Variants in NTM observed in about 807,000 individuals in gnomAD.
The protein encoded by NTM is neurotrimin, also known as IgLON family member 2.
Under a neutral mutation model 42.1 loss-of-function variants are expected in NTM, and 13 were observed. The ratio of observed to expected loss-of-function variants is 0.31; its 90% CI spans 0.20 to 0.49. NTM has a LOEUF of 0.49. NTM is among the 20% of genes least tolerant of loss of function. The pLI, the probability that NTM is intolerant of heterozygous loss-of-function variation, is 0.99. For synonymous variants in NTM, 187 were observed against 179.2 expected (o/e 1.04, Z -0.35); for missense variants, 373 against 452.8 (o/e 0.82, Z 1.60).
chr11:132,292,787 T>TAAAGAAAAAAA (rs2094491121), intron 4 of NTM, among the ~76,000 whole-genome samples: 1 of 56,574 alleles, frequency 1.8e-5, no homozygotes, highest in Non-Finnish European at 3.0e-5. Flanking sequence ...GATGTAAAAG[T>TAAAGAAAAAAA]AAAAAAAAAA....
chr11:131,412,842 A>AAC (rs1946565635), intron 1 of NTM, among the ~76,000 whole-genome samples: 1 of 152,100 alleles, frequency 6.6e-6, no homozygotes, highest in Admixed American at 6.5e-5. Flanking sequence ...CATCACTAAT[A>AAC]ACAAGAAAGG....
intron 2 of NTM, among the ~76,000 whole-genome samples, chr11:132,084,364 C>T (rs2059443488): frequency 6.6e-6 from 1 of 152,114 alleles, no homozygotes; most frequent in African/African-American, 2.4e-5. Flanking sequence ...TTAGAAATCT[C>T]ATACAATTTT....
intron 1 of NTM, among the ~76,000 whole-genome samples, chr11:131,500,378 C>A (rs375568): frequency 2.0e-5 from 3 of 151,388 alleles, no homozygotes; most frequent in African/African-American, 7.3e-5. Flanking sequence ...TCTCAATGAA[C>A]CCTGTTCCCT....
In NTM at chr11:132,046,825, ACTAT is replaced by A. The variant is rs1009927450; in HGVS notation, c.168-99449_168-99446del. ...ATCTATCTGTCTGTCTATCTATCTA[ACTAT>A]CTATCTACTGTTTATCTATCTACCA... On this transcript the variant is annotated intron_variant, in intron 2 of 8. Coordinates refer to ENST00000683400, the MANE Select transcript of NTM (RefSeq NM_001352005.2). Among the ~76,000 whole-genome samples, 189 of 152,224 alleles carry A rather than the reference ACTAT, an allele frequency of 1.2e-3. 1 individual carries two copies. The highest frequency in any genetic ancestry group is 2.1e-3 in the South Asian group (10 of 4,820).
intron 1 of NTM, among the ~76,000 whole-genome samples, chr11:131,656,291 T>C (rs1320469427): frequency 3.6e-4 from 55 of 152,204 alleles, no homozygotes; most frequent in Non-Finnish European, 7.3e-5. Flanking sequence ...AGAAAAGATT[T>C]TAAATCCACC....
At chr11:131,498,752 G>T (rs1313878453) in intron 1 of NTM, among the ~76,000 whole-genome samples, 1 of 152,208 alleles carries the variant, frequency 6.6e-6, no homozygotes, top group South Asian at 2.1e-4. Flanking sequence ...GGGCTGGGGG[G>T]AAGCCAGGCC....
chr11:131,701,756 T>A (rs2135180702), intron 1 of NTM, among the ~76,000 whole-genome samples: 1 of 152,202 alleles, frequency 6.6e-6, no homozygotes, highest in Non-Finnish European at 1.5e-5. Flanking sequence ...CATGAGGGCC[T>A]AGACAAATGC....
intron 1 of NTM, among the ~76,000 whole-genome samples, chr11:131,680,571 A>G (rs2072396871): frequency 7.0e-6 from 1 of 143,830 alleles, no homozygotes; most frequent in African/African-American, 2.7e-5. Context: ...CTGTGTAGGC[A>G]TGTGTGCCTC....
At chr11:131,796,443 G>A (rs1324955187) in intron 1 of NTM, among the ~76,000 whole-genome samples, 2 of 152,182 alleles carry the variant, frequency 1.3e-5, no homozygotes, top group Admixed American at 6.5e-5. Context: ...ACTTCCCCTG[G>A]AACTAGTGGC....
chr11:131,672,848 G>A (rs1311264654), intron 1 of NTM, among the ~76,000 whole-genome samples: 35 of 123,468 alleles, frequency 2.8e-4, no homozygotes, highest in South Asian at 5.9e-4. Flanking sequence ...GTGCCGGGGT[G>A]GGGGTGGGGT....
intron 1 of NTM, among the ~76,000 whole-genome samples, chr11:131,492,937 G>T (rs1954949828): frequency 6.6e-6 from 1 of 152,154 alleles, no homozygotes; most frequent in African/African-American, 2.4e-5. Flanking sequence ...GCAACTTAGG[G>T]CCAGGTGTGG....
intron 3 of NTM, among the ~76,000 whole-genome samples, chr11:132,194,300 A>G (rs1243421070): frequency 6.6e-6 from 1 of 152,204 alleles, no homozygotes; most frequent in African/African-American, 2.4e-5. Context: ...CTGGGATGCA[A>G]GGGTGGTTCA....
intron 2 of NTM, among the ~76,000 whole-genome samples, chr11:132,120,123 AT>A (rs10706865): frequency 0.71 from 105,946 of 149,736 alleles, 38,091 homozygotes; most frequent in African/African-American, 0.81. Context: ...TCGGCTGATG[AT>A]TTTTTTTTTT....
intron 1 of NTM, among the ~76,000 whole-genome samples, chr11:131,463,182 C>T (rs1013890401): frequency 1.1e-4 from 17 of 152,218 alleles, no homozygotes; most frequent in African/African-American, 3.9e-4. Flanking sequence ...TATTGCCCTC[C>T]TGTCCCATGG....
chr11:132,040,238 G>A (rs2077013494), intron 2 of NTM, among the ~76,000 whole-genome samples: 2 of 152,188 alleles, frequency 1.3e-5, no homozygotes, highest in Non-Finnish European at 2.9e-5. Flanking sequence ...TAGGATTACA[G>A]ACGTGAGCCA....
chr11:132,119,938 G>T (rs1336120295), intron 2 of NTM, among the ~76,000 whole-genome samples: 1 of 152,184 alleles, frequency 6.6e-6, no homozygotes, highest in East Asian at 1.9e-4. Flanking sequence ...TTTATAACAC[G>T]CTATATAAAG....
intron 2 of NTM, among the ~76,000 whole-genome samples, chr11:131,951,219 G>C (rs1409323948): frequency 6.6e-6 from 1 of 152,170 alleles, no homozygotes; most frequent in South Asian, 2.1e-4. Context: ...GAGGCTCTTA[G>C]TGTAACAGTA....
chr11:132,032,593 G>A (rs766409737), intron 2 of NTM, among the ~76,000 whole-genome samples: 1 of 152,142 alleles, frequency 6.6e-6, no homozygotes, highest in Non-Finnish European at 1.5e-5. Context: ...TAGTGACTAG[G>A]ACCTTCTTGT....
intron 3 of NTM, among the ~76,000 whole-genome samples, chr11:132,201,803 A>G (rs1404868645): frequency 6.6e-6 from 1 of 152,214 alleles, no homozygotes; most frequent in Non-Finnish European, 1.5e-5. Context: ...AATTATACCT[A>G]CATATTTTAT....
Sources: allele counts gnomAD v4.1 joint callset (sites outside exome capture counted in the v4.1 genomes callset), GRCh38; gene constraint gnomAD v4.1.1; transcripts MANE v1.5; gene names NCBI Gene and HGNC (gene_info 2026-07-23, HGNC 2026-07-21).